Variants in MTA3 observed in about 807,000 individuals in gnomAD.
MTA3 encodes the protein metastasis associated 1 family member 3.
MTA3 carries 34 observed loss-of-function variants against 83.5 expected under a neutral mutation model. That is an observed-to-expected ratio of 0.41 (90% CI 0.31 to 0.54). The LOEUF is 0.54. Ranked by LOEUF, MTA3 falls within the 20% of genes least tolerant of loss-of-function variation. The pLI is 0.33. For missense variants in MTA3, 761 were observed against 726.4 expected (o/e 1.05, Z -0.55); for synonymous variants, 303 against 252.7 (o/e 1.20, Z -1.89).
At position 42,692,747 on chromosome 2, in the gene MTA3, C is replaced by G. The variant is rs149424432; in HGVS notation, c.892-3018C>G. On this transcript the variant is annotated intron_variant, in intron 9 of 16. Transcript: ENST00000405094. ...CAGCCAGCTATTTTGAATTCTCTGT[C>G]TGAAAGGTCACATGTCTCTGTTTGT... Among the ~76,000 whole-genome samples, 25 of 152,304 alleles carry G rather than the reference C, an allele frequency of 1.6e-4. No individual in the cohort carries two copies. In the East Asian group the frequency reaches 4.8e-3, roughly 29 times the overall value.
At chr2:42,710,945 G>T (rs1401251103) in intron 14 of MTA3, among the ~76,000 whole-genome samples, 1 of 152,004 alleles carries the variant, frequency 6.6e-6, no homozygotes, top group Non-Finnish European at 1.5e-5. Context: ...CAGGCATGGT[G>T]GCACACGCCT....
At chr2:42,642,467 G>T (rs1485153291) in intron 5 of MTA3, among the ~76,000 whole-genome samples, 1 of 151,772 alleles carries the variant, frequency 6.6e-6, no homozygotes, top group African/African-American at 2.4e-5. Context: ...ACCAGCCCAG[G>T]CAACATAGTG....
intron 4 of MTA3, among the ~76,000 whole-genome samples, chr2:42,615,262 T>C (rs1684716410): frequency 6.9e-6 from 1 of 145,386 alleles, no homozygotes. Flanking sequence ...GTTTTTTTCT[T>C]TTTTTTTTTT....
intron 2 of MTA3, among the ~76,000 whole-genome samples, chr2:42,548,542 AG>A (rs1488196516): frequency 2.0e-5 from 3 of 151,656 alleles, no homozygotes; most frequent in Non-Finnish European, 4.4e-5. Context: ...CTGTAATTCC[AG>A]CACTTTGGAA....
chr2:42,601,839 C>T (rs757753149), intron 3 of MTA3, among the ~76,000 whole-genome samples: 2 of 152,176 alleles, frequency 1.3e-5, no homozygotes, highest in African/African-American at 2.4e-5. Flanking sequence ...ACCACCACTG[C>T]CAGCTGTTTT....
intron 2 of MTA3, among the ~76,000 whole-genome samples, chr2:42,529,478 G>C (rs977326998): frequency 6.6e-6 from 1 of 152,228 alleles, no homozygotes; most frequent in Non-Finnish European, 1.5e-5. Flanking sequence ...TGAGAGCCAA[G>C]AGAGAAAGAC....
chr2:42,658,175 C>T (rs1461776117), intron 7 of MTA3, among the ~76,000 whole-genome samples: 4 of 145,716 alleles, frequency 2.7e-5, no homozygotes, highest in Admixed American at 6.8e-5. Context: ...ATTTTAAAGA[C>T]TGACAGTGCT....
intron 16 of MTA3, among the ~76,000 whole-genome samples, chr2:42,740,844 A>G (rs1277627579): frequency 1.3e-5 from 2 of 152,270 alleles, no homozygotes. Flanking sequence ...TTTTTGGAAT[A>G]GTAAATGAAC....
At position 42,754,278 on chromosome 2, in the gene MTA3, T is replaced by A; in HGVS notation, c.*879T>A. On this transcript the variant is annotated 3_prime_UTR_variant, in exon 17 of 17. Transcript: ENST00000405094. ...GTCCTACAGCAGGTCACAAATGACC[T>A]AGTTTCATTTTAAGCAGACAGACTC... 3.0e-6 allele frequency: 3 copies of A among 985,404 alleles called. No individual in the cohort carries two copies. The highest frequency in any genetic ancestry group is 3.6e-6 in the Non-Finnish European group (3 of 829,948). 61.0% of individuals were successfully genotyped at this position (985,404 alleles called of 1,614,324 possible).
chr2:42,572,435 C>T (rs553921873), intron 2 of MTA3, among the ~76,000 whole-genome samples: 37 of 152,004 alleles, frequency 2.4e-4, no homozygotes, highest in African/African-American at 7.7e-4. Flanking sequence ...AAAAAATAGC[C>T]GGGCATGATG....
At chr2:42,677,048 C>G (rs1420073638) in intron 8 of MTA3, among the ~76,000 whole-genome samples, 1 of 152,010 alleles carries the variant, frequency 6.6e-6, no homozygotes, top group Non-Finnish European at 1.5e-5. Flanking sequence ...CTGAATCAGA[C>G]TTTTTTTTCT....
intron 2 of MTA3, among the ~76,000 whole-genome samples, chr2:42,519,764 C>T (rs1036480658): frequency 1.3e-5 from 2 of 151,878 alleles, no homozygotes; most frequent in Non-Finnish European, 2.9e-5. Flanking sequence ...TAAAAATTAA[C>T]CAGGGCCGGT....
At chr2:42,677,861 G>A (rs1025107649) in intron 8 of MTA3, among the ~76,000 whole-genome samples, 8 of 152,102 alleles carry the variant, frequency 5.3e-5, no homozygotes, top group African/African-American at 7.2e-5. Context: ...AATACAGTGC[G>A]CTCCCTCCCT....
chr2:42,730,346 A>G (rs1379668364), intron 16 of MTA3, among the ~76,000 whole-genome samples: 2 of 152,196 alleles, frequency 1.3e-5, no homozygotes, highest in African/African-American at 2.4e-5. Context: ...GATACTAGCT[A>G]TGGATCTGTT....
intron 2 of MTA3, among the ~76,000 whole-genome samples, chr2:42,499,564 G>C (rs1419890425): frequency 6.6e-6 from 1 of 151,382 alleles, no homozygotes; most frequent in Non-Finnish European, 1.5e-5. Flanking sequence ...GGCCGAGTCA[G>C]GCAGATCACG....
chr2:42,719,159 A>T, intron 15 of MTA3, 85 bp downstream of exon 15: 1 of 997,238 alleles, frequency 1.0e-6, no homozygotes, highest in Non-Finnish European at 1.5e-6. Context: ...GACATACCTA[A>T]ACTAATTCAG....
chr2:42,594,711 T>TATATATATAAATATACATAC, intron 3 of MTA3, among the ~76,000 whole-genome samples: 1 of 39,444 alleles, frequency 2.5e-5, no homozygotes, highest in East Asian at 5.7e-4. Context: ...TATACATATA[T>TATATATATAAATATACATAC]ATATATATAT....
At chr2:42,517,528 A>G (rs993724020) in intron 2 of MTA3, among the ~76,000 whole-genome samples, 35 of 150,038 alleles carry the variant, frequency 2.3e-4, no homozygotes, top group African/African-American at 8.6e-4. Context: ...AGCTGAGATC[A>G]TGCCATTGCA....
intron 3 of MTA3, among the ~76,000 whole-genome samples, chr2:42,586,745 C>T (rs6720652): frequency 0.74 from 111,921 of 151,978 alleles, 41,441 homozygotes; most frequent in South Asian, 0.88. Flanking sequence ...CAAAAATTGG[C>T]TGGGCATGGT....
Sources: gnomAD v4.1 joint callset for allele counts (sites outside exome capture counted in the v4.1 genomes callset) on GRCh38, gnomAD v4.1.1 for gene constraint, MANE v1.5 for transcripts, NCBI Gene and HGNC (gene_info 2026-07-23, HGNC 2026-07-21) for gene names.